Variants in MCCC2 observed in about 807,000 individuals in gnomAD.
MCCC2 encodes methylcrotonoyl-CoA carboxylase beta chain, mitochondrial.
Under a neutral mutation model 77.2 loss-of-function variants are expected in MCCC2, and 52 were observed. The ratio of observed to expected loss-of-function variants is 0.67; its 90% CI spans 0.54 to 0.85. The LOEUF is 0.85. Among genes scored for constraint, MCCC2 ranks in the 40% least tolerant of loss-of-function variants. The pLI is 0.00. For synonymous variants in MCCC2, 253 were observed against 248.4 expected, an observed-to-expected ratio of 1.02 and a Z score of -0.18; for missense variants, 682 against 703.2, an observed-to-expected ratio of 0.97 and a Z score of 0.34.
chr5:71,646,306 G>A, intron 13 of MCCC2, 29 bp downstream of exon 13: 2 of 1,598,904 alleles, frequency 1.3e-6, no homozygotes, highest in Admixed American at 1.7e-5. Flanking sequence ...CAGTTTGGTT[G>A]TATTGATTCC....
intron 1 of MCCC2, among the ~76,000 whole-genome samples, chr5:71,591,391 A>G (rs556990450): frequency 2.7e-5 from 4 of 147,624 alleles, no homozygotes; most frequent in South Asian, 4.3e-4. Flanking sequence ...TTCCTTGTGT[A>G]TTACTTAATT....
At chr5:71,639,778 G>A (rs1447309107) in intron 10 of MCCC2, among the ~76,000 whole-genome samples, 2 of 152,110 alleles carry the variant, frequency 1.3e-5, no homozygotes, top group African/African-American at 2.4e-5. Flanking sequence ...CTTGTTAAAG[G>A]TACAATTTTT....
intron 4 of MCCC2, among the ~76,000 whole-genome samples, chr5:71,600,331 T>G (rs1745375047): frequency 2.0e-5 from 3 of 152,152 alleles, no homozygotes; most frequent in Admixed American, 2.0e-4. Flanking sequence ...CTTTTTTCCT[T>G]TTTTGTTTTT....
chr5:71,590,897 C>T (rs1432488868), intron 1 of MCCC2, among the ~76,000 whole-genome samples: 1 of 151,842 alleles, frequency 6.6e-6, no homozygotes, highest in African/African-American at 2.4e-5. Flanking sequence ...GACATGTAGT[C>T]TATCTTGGAG....
intron 1 of MCCC2, 25 bp from the exon 2 acceptor site, chr5:71,592,901 C>T (rs1011042895): frequency 1.9e-6 from 3 of 1,540,314 alleles, no homozygotes; most frequent in African/African-American, 2.7e-5. Flanking sequence ...ATTTCTCTCC[C>T]CTGTCTCCTC....
chr5:71,598,021 A>G (rs569692080), intron 3 of MCCC2, among the ~76,000 whole-genome samples: 2 of 151,610 alleles, frequency 1.3e-5, no homozygotes, highest in South Asian at 2.1e-4. Context: ...GAGGGTCACA[A>G]TAAGATCCAC....
At chr5:71,588,525 A>G (rs1744848463) in intron 1 of MCCC2, among the ~76,000 whole-genome samples, 4 of 152,220 alleles carry the variant, frequency 2.6e-5, no homozygotes, top group South Asian at 2.1e-4. Context: ...ATTGTGGTCT[A>G]GGCACTATTT....
chr5:71,591,530 G>A (rs998820720), intron 1 of MCCC2, among the ~76,000 whole-genome samples: 1 of 148,750 alleles, frequency 6.7e-6, no homozygotes, highest in Non-Finnish European at 1.5e-5. Flanking sequence ...TCCGCCTCCC[G>A]GGTTCGAGGG....
chr5:71,637,736 T>TC (rs1049032833), intron 10 of MCCC2, among the ~76,000 whole-genome samples: 10 of 152,164 alleles, frequency 6.6e-5, no homozygotes, highest in African/African-American at 2.4e-4. Flanking sequence ...TTGTTTTTTT[T>TC]CAGACTGAGT....
intron 14 of MCCC2, 44 bp from the exon 15 acceptor site, chr5:71,650,025 T>G (rs770220186): frequency 1.4e-6 from 2 of 1,463,402 alleles, no homozygotes; most frequent in South Asian, 2.3e-5. Context: ...AAATCTATGT[T>G]GTATATTGAC....
intron 7 of MCCC2, among the ~76,000 whole-genome samples, chr5:71,627,497 G>A (rs1746571936): frequency 1.3e-5 from 2 of 152,162 alleles, no homozygotes. Flanking sequence ...TGGGCATTTA[G>A]GTTGCTTCTG....
At chr5:71,616,716 C>T (rs72759482) in intron 6 of MCCC2, among the ~76,000 whole-genome samples, 1,670 of 152,306 alleles carry the variant, frequency 0.011, 11 homozygotes, top group Middle Eastern at 0.02. Context: ...TCTGCATTTT[C>T]CCTTACTTAA....
chr5:71,610,294 G>A (rs574892971), intron 6 of MCCC2, among the ~76,000 whole-genome samples: 36 of 152,324 alleles, frequency 2.4e-4, no homozygotes, highest in East Asian at 1.7e-3. Context: ...AAGCTGGTCC[G>A]AAAAGCGCAA....
intron 6 of MCCC2, among the ~76,000 whole-genome samples, chr5:71,610,119 T>G (rs141438278): frequency 0.025 from 3,814 of 152,348 alleles, 71 homozygotes; most frequent in South Asian, 0.074. Context: ...CTGGCTGCTT[T>G]GTTTACCTTA....
At chr5:71,625,272 G>A (rs2112408239) in intron 6 of MCCC2, among the ~76,000 whole-genome samples, 1 of 152,228 alleles carries the variant, frequency 6.6e-6, no homozygotes, top group South Asian at 2.1e-4. Flanking sequence ...CAGTGTTCTG[G>A]TACAGAGAAC....
At chr5:71,637,728 G>GT (rs916456823) in intron 10 of MCCC2, among the ~76,000 whole-genome samples, 3 of 151,682 alleles carry the variant, frequency 2.0e-5, no homozygotes, top group East Asian at 1.9e-4. Context: ...GTAGAACTTT[G>GT]TTTTTTTTCA....
chr5:71,624,943 C>G (rs1458513637), intron 6 of MCCC2, among the ~76,000 whole-genome samples: 4 of 151,970 alleles, frequency 2.6e-5, no homozygotes, highest in Non-Finnish European at 4.4e-5. Context: ...ATACACCCAC[C>G]CCCACCTCCC....
intron 7 of MCCC2, 112 bp downstream of exon 7, chr5:71,626,865 A>C: frequency 9.8e-7 from 1 of 1,020,826 alleles, no homozygotes; most frequent in South Asian, 1.4e-5. Context: ...TATGCATAAC[A>C]TAAAACTTAC....
chr5:71,655,413 G>T (rs935633698), intron 16 of MCCC2, among the ~76,000 whole-genome samples: 2 of 152,186 alleles, frequency 1.3e-5, no homozygotes, highest in African/African-American at 4.8e-5. Flanking sequence ...CTTCTGCTCA[G>T]TTGTTTTTAT....
Sources: allele counts gnomAD v4.1 joint callset (sites outside exome capture counted in the v4.1 genomes callset), GRCh38; gene constraint gnomAD v4.1.1; transcripts MANE v1.5; gene names NCBI Gene and HGNC (gene_info 2026-07-23, HGNC 2026-07-21).